Variants in ADGRL2 observed in about 807,000 individuals in gnomAD.
The protein encoded by ADGRL2 is adhesion G protein-coupled receptor L2.
A neutral mutation model predicts 157.4 loss-of-function variants in ADGRL2; 44 were observed. The ratio of observed to expected loss-of-function variants is 0.28; its 90% CI spans 0.22 to 0.36. The LOEUF (loss-of-function observed/expected upper bound fraction) is 0.36, where lower values mean the gene tolerates loss of function less well. Among genes scored for constraint, ADGRL2 ranks in the 10% least tolerant of loss-of-function variants. ADGRL2 has a pLI of 1.00. For missense variants in ADGRL2, 1,510 were observed against 1,768.9 expected (o/e 0.85, Z 2.63); for synonymous variants, 585 against 624.7 (o/e 0.94, Z 0.95).
chr1:81,345,679 C>G (rs996602746), intron 1 of ADGRL2, among the ~76,000 whole-genome samples: 12 of 151,880 alleles, frequency 7.9e-5, no homozygotes, highest in Non-Finnish European at 1.0e-4. Flanking sequence ...TCATAACTGT[C>G]CTAGATTCAG....
intron 1 of ADGRL2, among the ~76,000 whole-genome samples, chr1:81,367,474 G>T (rs1358611523): frequency 6.6e-6 from 1 of 152,142 alleles, no homozygotes; most frequent in Non-Finnish European, 1.5e-5. Context: ...TGTGGTGTTT[G>T]GTTTTCTGTT....
At chr1:81,802,583 A>G (rs1436794001) in intron 1 of ADGRL2, among the ~76,000 whole-genome samples, 1 of 152,026 alleles carries the variant, frequency 6.6e-6, no homozygotes, top group Non-Finnish European at 1.5e-5. Flanking sequence ...TTAATTTCAT[A>G]AAAGCTTGGG....
intron 2 of ADGRL2, among the ~76,000 whole-genome samples, chr1:81,524,956 G>A (rs1316833116): frequency 6.6e-6 from 1 of 152,108 alleles, no homozygotes; most frequent in African/African-American, 2.4e-5. Context: ...GAATATCTTT[G>A]TAAAAGTACC....
chr1:81,499,932 T>C (rs965610088), intron 2 of ADGRL2, among the ~76,000 whole-genome samples: 4 of 150,058 alleles, frequency 2.7e-5, no homozygotes, highest in Admixed American at 6.6e-5. Flanking sequence ...TATAAATATA[T>C]ATAATATAAC....
At chr1:81,726,852 G>C (rs993023662) in intron 1 of ADGRL2, among the ~76,000 whole-genome samples, 2 of 152,178 alleles carry the variant, frequency 1.3e-5, no homozygotes, top group African/African-American at 4.8e-5. Context: ...GCCTGAATAA[G>C]AATCCATCCT....
chr1:81,896,743 A>G (rs935357012), intron 2 of ADGRL2, among the ~76,000 whole-genome samples: 1 of 152,182 alleles, frequency 6.6e-6, no homozygotes, highest in African/African-American at 2.4e-5. Context: ...TGAATAACTA[A>G]TATTCAGTTT....
At chr1:81,770,784 T>A (rs2086336591) in intron 2 of ADGRL2, among the ~76,000 whole-genome samples, 1 of 152,218 alleles carries the variant, frequency 6.6e-6, no homozygotes, top group South Asian at 2.1e-4. Context: ...AATAATGTTT[T>A]TCAAAAAGGA....
At chr1:81,736,478 G>A (rs1571010277) in intron 1 of ADGRL2, among the ~76,000 whole-genome samples, 1 of 152,072 alleles carries the variant, frequency 6.6e-6, no homozygotes, top group Non-Finnish European at 1.5e-5. Flanking sequence ...TTGGGTTATT[G>A]GATTATTTAT....
intron 2 of ADGRL2, among the ~76,000 whole-genome samples, chr1:81,790,159 A>C (rs571380718): frequency 9.9e-5 from 15 of 152,214 alleles, no homozygotes; most frequent in African/African-American, 3.4e-4. Context: ...TTCTAGGGAA[A>C]ATGTGCTTGA....
At chr1:81,774,854 A>G (rs1480736615) in intron 2 of ADGRL2, among the ~76,000 whole-genome samples, 1 of 152,144 alleles carries the variant, frequency 6.6e-6, no homozygotes. Context: ...TCTTGTCAGA[A>G]GCTATAAAAA....
At chr1:81,625,283 C>T (rs1218034602) in intron 3 of ADGRL2, among the ~76,000 whole-genome samples, 10 of 152,038 alleles carry the variant, frequency 6.6e-5, no homozygotes, top group Non-Finnish European at 1.5e-5. Flanking sequence ...CCCTTTTTCC[C>T]TCTTCCATAT....
At chr1:81,594,846 T>G (rs550346745) in intron 3 of ADGRL2, among the ~76,000 whole-genome samples, 13 of 152,256 alleles carry the variant, frequency 8.5e-5, no homozygotes, top group Non-Finnish European at 1.6e-4. Context: ...AATGTGATTG[T>G]GCCTTTCTGG....
chr1:81,849,000 G>A (rs769764670), intron 2 of ADGRL2, among the ~76,000 whole-genome samples: 1 of 151,906 alleles, frequency 6.6e-6, no homozygotes, highest in South Asian at 2.1e-4. Context: ...CAGGAAGCTC[G>A]TTTAATCCTT....
rs188469997 is a variant in ADGRL2, at chr1:81,889,652, G to A, written c.74-17365G>A. ...GATCTAGCTAAGATCATTGATGGAG[G>A]TGGCTACACTAAACAACAGATTTTA... On this transcript the variant is annotated intron_variant, in intron 2 of 23. Transcript: ENST00000686636. 2.9e-3 allele frequency among the ~76,000 whole-genome samples: 440 copies of A among 152,286 alleles called. 1 individual carries two copies. The highest frequency in any genetic ancestry group is 5.2e-3 in the Non-Finnish European group (357 of 68,026).
upstream of ADGRL2, among the ~76,000 whole-genome samples, chr1:81,695,236 T>C (rs2083419328): frequency 6.6e-6 from 1 of 151,858 alleles, no homozygotes; most frequent in African/African-American, 2.4e-5. Context: ...AATCTTAGGC[T>C]TTTCTATGTA....
chr1:81,565,181 T>A (rs1468415227), intron 2 of ADGRL2, among the ~76,000 whole-genome samples: 7 of 152,192 alleles, frequency 4.6e-5, no homozygotes, highest in Non-Finnish European at 8.8e-5. Context: ...TATTAGAGCT[T>A]CAGTTTCCTG....
intron 2 of ADGRL2, among the ~76,000 whole-genome samples, chr1:81,549,561 A>G (rs1314922932): frequency 6.6e-6 from 1 of 152,162 alleles, no homozygotes; most frequent in Non-Finnish European, 1.5e-5. Flanking sequence ...ATTCTTCAAT[A>G]CTCTCATTAG....
At chr1:81,644,191 A>G (rs1443017983) in intron 3 of ADGRL2, among the ~76,000 whole-genome samples, 1 of 152,222 alleles carries the variant, frequency 6.6e-6, no homozygotes, top group Non-Finnish European at 1.5e-5. Flanking sequence ...ATGTAAACCC[A>G]GAGCATACAC....
chr1:81,868,947 A>T (rs2093622048), intron 2 of ADGRL2, among the ~76,000 whole-genome samples: 1 of 152,166 alleles, frequency 6.6e-6, no homozygotes, highest in Non-Finnish European at 1.5e-5. Context: ...TACTGCATAT[A>T]AAGTATATGC....
Sources: allele counts gnomAD v4.1 joint callset (sites outside exome capture counted in the v4.1 genomes callset), GRCh38; gene constraint gnomAD v4.1.1; transcripts MANE v1.5; gene names NCBI Gene and HGNC (gene_info 2026-07-23, HGNC 2026-07-21).